CAPS2: variants seen among roughly 807,000 people sequenced by gnomAD.
CAPS2 encodes calcyphosine 2.
A neutral mutation model predicts 86.5 loss-of-function variants in CAPS2; 98 were observed. The ratio of observed to expected loss-of-function variants is 1.13; its 90% confidence interval spans 0.96 to 1.34. The LOEUF (loss-of-function observed/expected upper bound fraction) is 1.34, where lower values mean the gene tolerates loss of function less well. CAPS2 is among the 40% of genes most tolerant of loss of function. The pLI is 0.00. For synonymous variants in CAPS2, 210 were observed against 225.1 expected (o/e 0.93, Z 0.60); for missense variants, 729 against 686.8 (o/e 1.06, Z -0.69).
intron 1 of CAPS2, among the ~76,000 whole-genome samples, chr12:75,342,501 T>C (rs1034496659): frequency 6.6e-6 from 1 of 152,224 alleles, no homozygotes; most frequent in African/African-American, 2.4e-5. Flanking sequence ...ATTAAGACTG[T>C]TGCTTTTGTG....
At chr12:75,384,416 A>G (rs1452041826) in intron 1 of CAPS2, among the ~76,000 whole-genome samples, 1 of 152,176 alleles carries the variant, frequency 6.6e-6, no homozygotes, top group Non-Finnish European at 1.5e-5. Flanking sequence ...TGAACGGGCC[A>G]CTTCCTTGAA....
At chr12:75,357,031 A>T (rs879658551) in intron 1 of CAPS2, among the ~76,000 whole-genome samples, 33 of 148,122 alleles carry the variant, frequency 2.2e-4, no homozygotes, top group East Asian at 9.7e-4. Flanking sequence ...TAGAAAAATT[A>T]AAAAAAAAAA....
At position 75,284,950 on chromosome 12, in the gene CAPS2, A is replaced by T; in HGVS notation, c.1515+11T>A. On this transcript the variant is annotated intron_variant, in intron 15 of 16. Coordinates refer to ENST00000393284, the Ensembl canonical transcript of CAPS2. ...AAAATAACAATTTGAAAGATTACTTAACAAAGTTACCTTTCGAACATATGA... is the reference window on the plus strand; with the variant it reads ...AAAATAACAATTTGAAAGATTACTTTACAAAGTTACCTTTCGAACATATGA... The T allele has an allele frequency of 6.3e-7, 1 of 1,590,644 alleles. No individual in the cohort carries two copies. The highest frequency in any genetic ancestry group is 8.6e-7 in the Non-Finnish European group (1 of 1,166,640).
intron 5 of CAPS2, among the ~76,000 whole-genome samples, chr12:75,319,295 A>C (rs2040077385): frequency 6.6e-6 from 1 of 152,090 alleles, no homozygotes; most frequent in Non-Finnish European, 1.5e-5. Context: ...TGGGTCATGG[A>C]GGTCGATCTC....
chr12:75,367,379 G>A (rs1293590057), intron 1 of CAPS2, among the ~76,000 whole-genome samples: 3 of 150,366 alleles, frequency 2.0e-5, no homozygotes, highest in African/African-American at 4.9e-5. Context: ...CTTTATGTCC[G>A]TCTATAAGCT....
At position 75,358,793 on chromosome 12, in the gene CAPS2, TATATA is replaced by T. The variant is rs567475623; in HGVS notation, c.-395+32040_-395+32044del. 1.7e-3 allele frequency among the ~76,000 whole-genome samples: 250 copies of T among 144,182 alleles called. 4 individuals are homozygous for T. The East Asian group carries it at 0.024, about 14-fold the overall frequency. The allele number at this position is 144,182 out of a possible 152,430, so 94.6% of individuals were successfully genotyped here. A position where few individuals can be genotyped will look rare whatever the true frequency, so the allele number is the denominator to read the frequency against. On this transcript the variant is annotated intron_variant, in intron 1 of 5. Coordinates refer to the CAPS2 transcript ENST00000551829. ...TTTAAATATATATAATATATAACAA[TATATA>T]ATATATTATATATGTTTAAATATAT... is the stretch of plus-strand genomic sequence containing the variant.
chr12:75,370,289 G>C, intron 1 of CAPS2: 1 of 588,190 alleles, frequency 1.7e-6, no homozygotes, highest in African/African-American at 1.9e-5. Context: ...ACTCTTGCCT[G>C]ATACCTAAAT....
chr12:75,330,303 CG>C (rs887146906), upstream of CAPS2, among the ~76,000 whole-genome samples: 6 of 152,224 alleles, frequency 3.9e-5, no homozygotes, highest in African/African-American at 1.4e-4. Flanking sequence ...CTACAGCCGC[CG>C]CAGCCTCCCA....
chr12:75,348,528 C>T (rs543082006), intron 1 of CAPS2, among the ~76,000 whole-genome samples: 8 of 152,244 alleles, frequency 5.3e-5, no homozygotes, highest in Non-Finnish European at 1.0e-4. Flanking sequence ...ACTACTGACA[C>T]ATTTATTATC....
At chr12:75,377,090 C>G (rs1411236371) in intron 1 of CAPS2, among the ~76,000 whole-genome samples, 2 of 152,126 alleles carry the variant, frequency 1.3e-5, no homozygotes, top group African/African-American at 4.8e-5. Flanking sequence ...AGTATCAATG[C>G]ATTTATTTTG....
chr12:75,381,636 G>GA (rs1206883621), intron 1 of CAPS2, among the ~76,000 whole-genome samples: 2 of 93,776 alleles, frequency 2.1e-5, no homozygotes, highest in Non-Finnish European at 4.0e-5. Flanking sequence ...TTTTTTTTGA[G>GA]ACAGAGTCTC....
intron 1 of CAPS2, among the ~76,000 whole-genome samples, chr12:75,385,049 G>A (rs1255107270): frequency 1.3e-5 from 2 of 152,148 alleles, no homozygotes; most frequent in African/African-American, 4.8e-5. Context: ...TAGTAAAAAG[G>A]GGAAGAGGGA....
intron 1 of CAPS2, chr12:75,370,133 T>A: frequency 6.2e-7 from 1 of 1,606,748 alleles, no homozygotes; most frequent in Non-Finnish European, 8.5e-7. Context: ...CAGACAGCCT[T>A]TAATCCATTC....
chr12:75,277,438 T>A (rs2033127545), exon 17 of CAPS2: 1 of 944,634 alleles, frequency 1.1e-6, no homozygotes, highest in Non-Finnish European at 1.3e-6. Flanking sequence ...GAAAAAGATA[T>A]GTGACAAAAA....
chr12:75,336,217 T>A (rs1331332908), intron 1 of CAPS2, among the ~76,000 whole-genome samples: 3 of 151,784 alleles, frequency 2.0e-5, no homozygotes, highest in African/African-American at 4.8e-5. Context: ...TACAAAGAAG[T>A]AGAGCTAAAA....
At chr12:75,344,990 T>C (rs1045039969) in intron 1 of CAPS2, among the ~76,000 whole-genome samples, 1 of 152,176 alleles carries the variant, frequency 6.6e-6, no homozygotes, top group Admixed American at 6.5e-5. Context: ...TTATCTCCTC[T>C]AGTTCTTGTA....
intron 1 of CAPS2, among the ~76,000 whole-genome samples, chr12:75,359,578 A>C (rs1438836677): frequency 3.9e-5 from 6 of 152,096 alleles, no homozygotes; most frequent in Admixed American, 2.6e-4. Context: ...TGGTTTTCAA[A>C]AGTTATTAAA....
At chr12:75,321,039 T>A (rs370709551) in intron 5 of CAPS2, among the ~76,000 whole-genome samples, 1 of 152,000 alleles carries the variant, frequency 6.6e-6, no homozygotes, top group East Asian at 1.9e-4. Flanking sequence ...CTTATCAATT[T>A]TAAAATTTAG....
At chr12:75,362,810 ACTAT>A (rs1229840976) in intron 1 of CAPS2, among the ~76,000 whole-genome samples, 1 of 152,190 alleles carries the variant, frequency 6.6e-6, no homozygotes, top group Non-Finnish European at 1.5e-5. Flanking sequence ...AAATAATCAT[ACTAT>A]CTATGACAAA....
Sources: gnomAD v4.1 joint callset for allele counts (sites outside exome capture counted in the v4.1 genomes callset) on GRCh38, gnomAD v4.1.1 for gene constraint, MANE v1.5 for transcripts, NCBI Gene and HGNC (gene_info 2026-07-23, HGNC 2026-07-21) for gene names.